The following SPIDR variants were observed in gnomAD, a reference collection of about 807,000 sequenced individuals.
SPIDR encodes the protein scaffold protein involved in DNA repair.
A neutral mutation model predicts 104.6 loss-of-function variants in SPIDR; 93 were observed. That is an observed-to-expected ratio of 0.89 (90% CI 0.75 to 1.06). The LOEUF is 1.06. Among genes scored for constraint, SPIDR ranks in the 50% least tolerant of loss-of-function variants. SPIDR has a pLI of 0.00. For synonymous variants in SPIDR, 431 were observed against 416.9 expected (o/e 1.03, Z -0.41); for missense variants, 1,154 against 1,111.2 (o/e 1.04, Z -0.55).
At chr8:47,436,968 C>T (rs2068443692) in intron 7 of SPIDR, among the ~76,000 whole-genome samples, 1 of 152,200 alleles carries the variant, frequency 6.6e-6, no homozygotes, top group East Asian at 1.9e-4. Flanking sequence ...TTAGTCACCA[C>T]ATGAGCTGCT....
intron 8 of SPIDR, among the ~76,000 whole-genome samples, chr8:47,499,816 T>C (rs1389989355): frequency 1.4e-5 from 2 of 146,172 alleles, no homozygotes; most frequent in Non-Finnish European, 3.0e-5. Flanking sequence ...CAACAGGCCC[T>C]GGTGTGTGAT....
chr8:47,613,545 A>G (rs1015930028), intron 10 of SPIDR, among the ~76,000 whole-genome samples: 2 of 152,162 alleles, frequency 1.3e-5, no homozygotes, highest in African/African-American at 2.4e-5. Flanking sequence ...TATGGTAATT[A>G]TGTGTTTAAC....
At chr8:47,394,103 C>T (rs1375231591) in intron 5 of SPIDR, among the ~76,000 whole-genome samples, 2 of 152,130 alleles carry the variant, frequency 1.3e-5, no homozygotes, top group Non-Finnish European at 2.9e-5. Context: ...GACAGAGCTT[C>T]GCCATGTTGG....
intron 16 of SPIDR, among the ~76,000 whole-genome samples, chr8:47,719,370 A>T (rs961385414): frequency 9.9e-5 from 15 of 152,082 alleles, no homozygotes; most frequent in Non-Finnish European, 2.1e-4. Flanking sequence ...TTAGCTGGGC[A>T]TGGTGGCAGG....
intron 9 of SPIDR, among the ~76,000 whole-genome samples, chr8:47,596,484 A>C (rs116829376): frequency 3.0e-4 from 45 of 152,336 alleles, no homozygotes; most frequent in African/African-American, 1.1e-3. Context: ...GATAGTAAAA[A>C]TACAGTCCAA....
intron 8 of SPIDR, among the ~76,000 whole-genome samples, chr8:47,550,051 G>C (rs1316988368): frequency 2.0e-5 from 3 of 152,094 alleles, no homozygotes; most frequent in Non-Finnish European, 4.4e-5. Flanking sequence ...GTTTTTGTCA[G>C]ATTTGTCAAA....
At chr8:47,598,898 T>C in intron 9 of SPIDR, 48 bp from the exon 10 acceptor site, 1 of 1,607,866 alleles carries the variant, frequency 6.2e-7, no homozygotes, top group Non-Finnish European at 8.5e-7. Flanking sequence ...TTAGCCGAAC[T>C]GAAACTTTGT....
chr8:47,406,670 G>T (rs2062798910), intron 6 of SPIDR, among the ~76,000 whole-genome samples: 1 of 152,174 alleles, frequency 6.6e-6, no homozygotes, highest in Non-Finnish European at 1.5e-5. Context: ...GGAAAGATCT[G>T]TATATAGGCT....
chr8:47,487,992 A>C (rs2077987688), intron 8 of SPIDR, among the ~76,000 whole-genome samples: 1 of 152,232 alleles, frequency 6.6e-6, no homozygotes, highest in South Asian at 2.1e-4. Flanking sequence ...AGAAGGCAAG[A>C]AATAACTAAG....
At chr8:47,701,666 C>G in intron 12 of SPIDR, 55 bp from the exon 13 acceptor site, 8 of 1,550,440 alleles carry the variant, frequency 5.2e-6, no homozygotes, top group South Asian at 1.2e-5. Flanking sequence ...AATATCTCCT[C>G]TTTTTGAGTC....
intron 17 of SPIDR, among the ~76,000 whole-genome samples, chr8:47,728,429 C>T (rs770224553): frequency 7.9e-5 from 12 of 151,596 alleles, no homozygotes; most frequent in Admixed American, 2.6e-4. Flanking sequence ...AGAGAGAGAG[C>T]GAGACTCCAT....
At chr8:47,369,804 T>C (rs1322423270) in intron 5 of SPIDR, among the ~76,000 whole-genome samples, 1 of 152,184 alleles carries the variant, frequency 6.6e-6, no homozygotes, top group Non-Finnish European at 1.5e-5. Context: ...AAAGGAAATA[T>C]TTTAACCACA....
intron 8 of SPIDR, among the ~76,000 whole-genome samples, chr8:47,586,281 G>A (rs985118996): frequency 2.6e-5 from 4 of 152,174 alleles, no homozygotes; most frequent in South Asian, 2.1e-4. Context: ...TGGTAGTTGC[G>A]TGCTTAGTTT....
At chr8:47,626,716 A>G (rs913325488) in intron 10 of SPIDR, among the ~76,000 whole-genome samples, 3 of 152,238 alleles carry the variant, frequency 2.0e-5, no homozygotes, top group Non-Finnish European at 2.9e-5. Context: ...TAGAATGGCA[A>G]TCATTAAAAA....
chr8:47,261,860 T>G (rs1399186200), intron 1 of SPIDR, among the ~76,000 whole-genome samples: 1 of 152,226 alleles, frequency 6.6e-6, no homozygotes, highest in African/African-American at 2.4e-5. Context: ...CTCTTGATTA[T>G]AAGATACAGT....
chr8:47,611,374 A>T (rs570287330), intron 10 of SPIDR, among the ~76,000 whole-genome samples: 1 of 152,240 alleles, frequency 6.6e-6, no homozygotes, highest in South Asian at 2.1e-4. Flanking sequence ...CAAGGGAGGA[A>T]CAAGGGCAGC....
At chr8:47,529,424 T>C (rs1333047092) in intron 8 of SPIDR, among the ~76,000 whole-genome samples, 1 of 151,546 alleles carries the variant, frequency 6.6e-6, no homozygotes, top group Non-Finnish European at 1.5e-5. Flanking sequence ...AAAAAATAAA[T>C]AAATAAAATA....
chr8:47,316,661 A>C (rs587622967), intron 5 of SPIDR, among the ~76,000 whole-genome samples: 1 of 152,326 alleles, frequency 6.6e-6, no homozygotes, highest in East Asian at 1.9e-4. Context: ...TTGATACATA[A>C]TGGAAGAAAA....
intron 5 of SPIDR, among the ~76,000 whole-genome samples, chr8:47,315,877 C>G (rs2045247313): frequency 6.6e-6 from 1 of 152,086 alleles, no homozygotes; most frequent in Non-Finnish European, 1.5e-5. Flanking sequence ...AATCATAGAT[C>G]TATATGTTGA....
Sources: gnomAD v4.1 joint callset for allele counts (sites outside exome capture counted in the v4.1 genomes callset) on GRCh38, gnomAD v4.1.1 for gene constraint, MANE v1.5 for transcripts, NCBI Gene and HGNC (gene_info 2026-07-23, HGNC 2026-07-21) for gene names.